The following ALPK1 variants were observed in gnomAD, a reference collection of about 807,000 sequenced individuals.
ALPK1 encodes the protein alpha-protein kinase 1.
A neutral mutation model predicts 120.6 loss-of-function variants in ALPK1; 110 were observed. That is an observed-to-expected ratio of 0.91 (90% CI 0.78 to 1.07). The LOEUF (loss-of-function observed/expected upper bound fraction) is 1.07. ALPK1 is among the 50% of genes least tolerant of loss of function. The pLI is 0.00. For synonymous variants in ALPK1, 582 were observed against 560.3 expected, an observed-to-expected ratio of 1.04 and a Z score of -0.55; for missense variants, 1,498 against 1,483.9, an observed-to-expected ratio of 1.01 and a Z score of -0.16.
chr4:112,379,694 T>C (rs1271636715), intron 3 of ALPK1, among the ~76,000 whole-genome samples: 2 of 152,224 alleles, frequency 1.3e-5, no homozygotes, highest in African/African-American at 4.8e-5. Flanking sequence ...ACACAAACAC[T>C]GAGGTTTTTC....
intron 2 of ALPK1, chr4:112,358,925 C>G: frequency 9.1e-6 from 7 of 768,790 alleles, no homozygotes; most frequent in Admixed American, 1.7e-5. Context: ...CCAAGAAGCA[C>G]AGCCAGCTCC....
At chr4:112,375,509 C>G (rs956143017) in intron 2 of ALPK1, among the ~76,000 whole-genome samples, 1 of 152,188 alleles carries the variant, frequency 6.6e-6, no homozygotes, top group African/African-American at 2.4e-5. Flanking sequence ...CCTTAAAACT[C>G]TTGAACTAAC....
At chr4:112,322,666 A>C (rs905127393) in intron 2 of ALPK1, among the ~76,000 whole-genome samples, 4 of 152,212 alleles carry the variant, frequency 2.6e-5, no homozygotes, top group Non-Finnish European at 4.4e-5. Context: ...CATTAGTTAC[A>C]ATGGAGAAAA....
intron 4 of ALPK1, among the ~76,000 whole-genome samples, chr4:112,403,952 T>A (rs1733049968): frequency 6.6e-6 from 1 of 152,242 alleles, no homozygotes; most frequent in African/African-American, 2.4e-5. Context: ...AGCATCAGTT[T>A]ACAGGTGCTT....
Position 112,398,141 on chromosome 4 carries a change from A to C in ALPK1, c.277-13686A>C, listed in dbSNP as rs182090034. Among the ~76,000 whole-genome samples the C allele has an allele frequency of 2.2e-4, 34 of 152,316 alleles. No individual in the cohort carries two copies. In the East Asian group the frequency reaches 5.2e-3, roughly 23 times the overall value. On this transcript the variant is annotated intron_variant, in intron 4 of 15. Coordinates refer to ENST00000650871, the MANE Select transcript of ALPK1 (RefSeq NM_025144.4). ...TCTGAGGGCAGAGCATTGCAGATGGAAGGAGCAACAAATACAAAGACTTGT... is the reference window on the plus strand; with the variant it reads ...TCTGAGGGCAGAGCATTGCAGATGGCAGGAGCAACAAATACAAAGACTTGT...
rs185817134 is a variant in ALPK1, at chr4:112,307,740, C to T, written c.-152-8061C>T. Among the ~76,000 whole-genome samples, 6 of 152,180 alleles carry T rather than the reference C, an allele frequency of 3.9e-5. No individual in the cohort carries two copies. In the East Asian group the frequency reaches 9.6e-4, roughly 24 times the overall value. On this transcript the variant is annotated intron_variant, in intron 1 of 15. Transcript: ENST00000650871. Reference sequence around the variant, plus strand: ...TGTCTTTTAATTAGAGCATTTAGCCCATTTACATTTAAGGCTAATATTGTT... The same window carrying T: ...TGTCTTTTAATTAGAGCATTTAGCCTATTTACATTTAAGGCTAATATTGTT...
chr4:112,419,466 G>C (rs1192570392), intron 5 of ALPK1, among the ~76,000 whole-genome samples: 3 of 139,164 alleles, frequency 2.2e-5, no homozygotes, highest in East Asian at 3.8e-4. Flanking sequence ...TTAAAACAGA[G>C]AGGAAATTAG....
chr4:112,425,513 C>T (rs951313538), intron 6 of ALPK1, 152 bp from the exon 7 acceptor site: 1 of 597,158 alleles, frequency 1.7e-6, no homozygotes, highest in Non-Finnish European at 3.0e-6. Context: ...CCTTAGACTA[C>T]AGCAAGAAGT....
At chr4:112,342,212 T>C (rs910324937) in intron 2 of ALPK1, among the ~76,000 whole-genome samples, 1 of 152,200 alleles carries the variant, frequency 6.6e-6, no homozygotes, top group Non-Finnish European at 1.5e-5. Context: ...TTGTACACAA[T>C]GGTTGTGTGG....
intron 2 of ALPK1, among the ~76,000 whole-genome samples, chr4:112,348,077 A>T (rs1192213847): frequency 1.3e-5 from 2 of 152,152 alleles, no homozygotes; most frequent in Non-Finnish European, 2.9e-5. Context: ...AAAAACAATA[A>T]TCATCCCCTA....
intron 2 of ALPK1, chr4:112,357,395 C>T: frequency 1.4e-6 from 1 of 690,292 alleles, no homozygotes; most frequent in Non-Finnish European, 2.6e-6. Context: ...AGTGCACATC[C>T]ATCCTGATGC....
intron 1 of ALPK1, among the ~76,000 whole-genome samples, chr4:112,300,727 G>A (rs1423687638): frequency 6.6e-6 from 1 of 151,520 alleles, no homozygotes; most frequent in African/African-American, 2.4e-5. Flanking sequence ...AGGGAAGGGG[G>A]AATGGAAATT....
chr4:112,438,416 C>T, intron 12 of ALPK1, 68 bp from the exon 13 acceptor site: 1 of 1,464,952 alleles, frequency 6.8e-7, no homozygotes, highest in Non-Finnish European at 9.4e-7. Flanking sequence ...TTTTGATCTC[C>T]TCTCTCTTAC....
rs189325849 is a variant in ALPK1 at position 112,429,022 on chromosome 4, T to C, written c.796-127T>C. ...ACCCACTTACTCTTTCTTTACACTG[T>C]TCTGAACGGGTTGCGGTGAGGAGTC... On this transcript the variant is annotated intron_variant, in intron 9 of 15. Transcript: ENST00000650871. The C allele has an allele frequency of 1.2e-4, 100 of 818,156 alleles. No homozygotes were observed. In the African/African-American group the frequency reaches 1.3e-3, roughly 10 times the overall value. 50.7% of individuals were successfully genotyped at this position (818,156 alleles called of 1,614,324 possible). A position where few individuals can be genotyped will look rare whatever the true frequency, so the allele number is the denominator to read the frequency against.
Position 112,320,900 on chromosome 4 carries a change from T to TC in ALPK1, c.-101+5048_-101+5049insC, listed in dbSNP as rs530894198. 3.1e-4 allele frequency among the ~76,000 whole-genome samples: 46 copies of TC among 147,614 alleles called. No individual in the cohort carries two copies. The East Asian group carries it at 4.3e-3, about 14-fold the overall frequency. On this transcript the variant is annotated intron_variant, in intron 2 of 15. Transcript: ENST00000650871. ...TTGTAATATCACCCATTTCTTTCTT[T>TC]TTTTTTTTTTTTTTGAGACGGAGTC...
At chr4:112,322,216 A>G (rs1254923661) in intron 2 of ALPK1, among the ~76,000 whole-genome samples, 1 of 152,226 alleles carries the variant, frequency 6.6e-6, no homozygotes. Flanking sequence ...TTCTGGTAAG[A>G]CTGATGAGAA....
At chr4:112,305,398 C>T (rs1727996095) in intron 1 of ALPK1, among the ~76,000 whole-genome samples, 1 of 151,868 alleles carries the variant, frequency 6.6e-6, no homozygotes, top group Non-Finnish European at 1.5e-5. Flanking sequence ...AATGTTCTTC[C>T]ATTTGTTTGT....
intron 8 of ALPK1, 119 bp from the exon 9 acceptor site, chr4:112,427,446 AGTAAT>A: frequency 1.5e-5 from 5 of 324,170 alleles, no homozygotes; most frequent in Admixed American, 5.1e-5. Context: ...CCAATGTCAT[AGTAAT>A]AAAATATTAA....
intron 1 of ALPK1, among the ~76,000 whole-genome samples, chr4:112,298,768 C>A (rs974035201): frequency 6.6e-6 from 1 of 152,142 alleles, no homozygotes; most frequent in Non-Finnish European, 1.5e-5. Context: ...TACCTCCCAG[C>A]AAGTGCCATG....
Sources: gnomAD v4.1 joint callset for allele counts (sites outside exome capture counted in the v4.1 genomes callset) on GRCh38, gnomAD v4.1.1 for gene constraint, MANE v1.5 for transcripts, NCBI Gene and HGNC (gene_info 2026-07-23, HGNC 2026-07-21) for gene names.